ACSL3: variants seen among roughly 807,000 people sequenced by gnomAD.
The protein encoded by ACSL3 is acyl-CoA synthetase long chain family member 3.
Under a neutral mutation model 84.7 loss-of-function variants are expected in ACSL3, and 34 were observed. That is an observed-to-expected ratio of 0.40 (90% CI 0.31 to 0.53). The LOEUF (loss-of-function observed/expected upper bound fraction) is 0.53. ACSL3 is among the 20% of genes least tolerant of loss of function. The pLI is 0.48. For missense variants in ACSL3, 680 were observed against 873.1 expected (o/e 0.78, Z 2.79); for synonymous variants, 315 against 299.4 (o/e 1.05, Z -0.54).
chr2:222,878,390 C>T (rs1467566029), intron 1 of ACSL3, among the ~76,000 whole-genome samples: 2 of 152,188 alleles, frequency 1.3e-5, no homozygotes, highest in African/African-American at 4.8e-5. Context: ...TGGATTGTTT[C>T]AGGCCAGGCC....
At chr2:222,927,226 C>A in intron 12 of ACSL3, 37 bp downstream of exon 12, 1 of 1,592,684 alleles carries the variant, frequency 6.3e-7, no homozygotes, top group South Asian at 1.1e-5. Context: ...GAGTGTGATG[C>A]CAGACGTTTT....
chr2:222,922,931 C>A, intron 9 of ACSL3, 100 bp downstream of exon 9: 1 of 1,502,818 alleles, frequency 6.7e-7, no homozygotes, highest in Non-Finnish European at 9.1e-7. Context: ...AGCGATGGTT[C>A]ATTTTAAAAT....
At position 222,941,805 on chromosome 2, in the gene ACSL3, T is replaced by C; in HGVS notation, c.*151T>C. On this transcript the variant is annotated 3_prime_UTR_variant, in exon 17 of 17. Transcript: ENST00000357430. ...CACCATTTTTAACTGACAGGATTAG[T>C]AAAACATTAAGACAGCAAACTTGTG... The C allele has an allele frequency of 6.1e-6, 5 of 818,272 alleles. No individual in the cohort carries two copies. The highest frequency in any genetic ancestry group is 8.8e-6 in the Non-Finnish European group (5 of 569,490). 50.7% of individuals were successfully genotyped at this position (818,272 alleles called of 1,614,324 possible). A position where few individuals can be genotyped will look rare whatever the true frequency, so the allele number is the denominator to read the frequency against.
chr2:222,929,830 C>G (rs1468351390), intron 13 of ACSL3, among the ~76,000 whole-genome samples: 1 of 151,082 alleles, frequency 6.6e-6, no homozygotes, highest in Non-Finnish European at 1.5e-5. Context: ...TTTTAGCTAT[C>G]TTTAGCAGAA....
At chr2:222,922,590 A>G (rs1696770133) in intron 8 of ACSL3, 118 bp from the exon 9 acceptor site, 1 of 1,249,716 alleles carries the variant, frequency 8.0e-7, no homozygotes, top group Non-Finnish European at 1.1e-6. Context: ...TACACACTTG[A>G]CCAGCAAATT....
chr2:222,925,658 A>T (rs181306836), intron 11 of ACSL3, among the ~76,000 whole-genome samples: 1 of 152,234 alleles, frequency 6.6e-6, no homozygotes, highest in South Asian at 2.1e-4. Flanking sequence ...AAAACCTGCA[A>T]TGTCATTAAA....
chr2:222,891,481 T>C (rs1015915176), intron 2 of ACSL3, among the ~76,000 whole-genome samples: 6 of 152,204 alleles, frequency 3.9e-5, no homozygotes, highest in Non-Finnish European at 7.3e-5. Context: ...GAAAAAGATA[T>C]ATATTCCTTT....
chr2:222,907,577 A>G (rs1696324444), intron 3 of ACSL3, among the ~76,000 whole-genome samples: 1 of 152,128 alleles, frequency 6.6e-6, no homozygotes, highest in South Asian at 2.1e-4. Context: ...CTGGGGCAGC[A>G]TCATGAGAGC....
intron 1 of ACSL3, among the ~76,000 whole-genome samples, chr2:222,878,467 G>C (rs1469597782): frequency 6.6e-6 from 1 of 152,168 alleles, no homozygotes; most frequent in African/African-American, 2.4e-5. Flanking sequence ...TGACACTCCT[G>C]ACAACAAGTG....
chr2:222,939,069 T>G (rs1452608239), intron 16 of ACSL3, among the ~76,000 whole-genome samples: 2 of 152,228 alleles, frequency 1.3e-5, no homozygotes, highest in Admixed American at 6.5e-5. Flanking sequence ...AGCATTCTTA[T>G]GACGGTTATT....
At chr2:222,885,037 C>CT (rs896530833) in intron 1 of ACSL3, among the ~76,000 whole-genome samples, 19 of 152,120 alleles carry the variant, frequency 1.2e-4, no homozygotes, top group South Asian at 8.3e-4. Flanking sequence ...TAGGAATTTT[C>CT]TTTTTTTTCA....
chr2:222,939,985 T>C (rs1049760466), intron 16 of ACSL3, among the ~76,000 whole-genome samples: 3 of 152,238 alleles, frequency 2.0e-5, no homozygotes, highest in Non-Finnish European at 4.4e-5. Context: ...AAAGAATGTT[T>C]AGTAAAGCAC....
At position 222,861,234 on chromosome 2, in the gene ACSL3, G is replaced by C. The variant is rs938065070; in HGVS notation, c.-231G>C. 6.6e-6 allele frequency: 1 copy of C among 152,178 alleles called. No homozygotes were observed. The highest frequency in any genetic ancestry group is 2.4e-5 in the African/African-American group (1 of 41,458). The allele number at this position is 152,178 out of a possible 1,614,324, so 9.4% of individuals were successfully genotyped here. On this transcript the variant is annotated 5_prime_UTR_variant, in exon 1 of 17. Transcript: ENST00000357430. ...CCAGGCCTGCGCGGGCCCGAGGCCG[G>C]AGGAACCCGGACTCCGGCGTAGCGG...
Position 222,861,078 on chromosome 2 carries a change from C to T in ACSL3, c.-387C>T, listed in dbSNP as rs1478316498. Reference sequence around the variant, plus strand: ...CGCCGGGCTGCGACACTGCAGTTGTCTACGCGGCCGGGGCCGGGACGAGGA... The same window carrying T: ...CGCCGGGCTGCGACACTGCAGTTGTTTACGCGGCCGGGGCCGGGACGAGGA... On this transcript the variant is annotated 5_prime_UTR_variant, in exon 1 of 17. Coordinates refer to ENST00000357430, the MANE Select transcript of ACSL3 (RefSeq NM_004457.5). The T allele has an allele frequency of 6.6e-6, 1 of 152,262 alleles. No homozygotes were observed. Among genetic ancestry groups the T allele is most frequent in the Non-Finnish European group, 1.5e-5 (1 of 68,084 alleles). 9.4% of individuals were successfully genotyped at this position (152,262 alleles called of 1,614,324 possible). A position where few individuals can be genotyped will look rare whatever the true frequency, so the allele number is the denominator to read the frequency against.
rs150383807 is a variant in ACSL3 at position 222,890,514 on chromosome 2, T to A, written c.-148+2626T>A. ...TCTCAAATATGCATACTTTGTTCATTAGATTTACTTTTGCTAACTTTTTTT... is the reference window on the plus strand; with the variant it reads ...TCTCAAATATGCATACTTTGTTCATAAGATTTACTTTTGCTAACTTTTTTT... On this transcript the variant is annotated intron_variant, in intron 2 of 16. Coordinates refer to ENST00000357430, the MANE Select transcript of ACSL3 (RefSeq NM_004457.5). 6.2e-3 allele frequency among the ~76,000 whole-genome samples: 945 copies of A among 152,330 alleles called. 10 individuals carry two copies. Among genetic ancestry groups the A allele is most frequent in the African/African-American group, 0.022 (895 of 41,578 alleles).
At chr2:222,932,998 T>G in intron 14 of ACSL3, 168 bp from the exon 15 acceptor site, 1 of 499,632 alleles carries the variant, frequency 2.0e-6, no homozygotes, top group South Asian at 3.2e-5. Flanking sequence ...GGGCCTAATT[T>G]TAATATGTGC....
At position 222,863,784 on chromosome 2, in the gene ACSL3, T is replaced by A. The variant is rs187038367; in HGVS notation, c.-207+2526T>A. Among the ~76,000 whole-genome samples, 171 of 152,328 alleles carry A rather than the reference T, an allele frequency of 1.1e-3. 1 individual carries two copies. The highest frequency in any genetic ancestry group is 3.7e-3 in the African/African-American group (155 of 41,570). ...TGGGAAATATAGATTGTTAAAAATATATAAATGTCTCAGTTGAACATGTAT... is the reference window on the plus strand; with the variant it reads ...TGGGAAATATAGATTGTTAAAAATAAATAAATGTCTCAGTTGAACATGTAT... On this transcript the variant is annotated intron_variant, in intron 1 of 16. Coordinates refer to ENST00000357430, the MANE Select transcript of ACSL3 (RefSeq NM_004457.5).
chr2:222,900,428 C>T (rs1214673490), intron 2 of ACSL3, among the ~76,000 whole-genome samples: 2 of 152,162 alleles, frequency 1.3e-5, no homozygotes, highest in East Asian at 3.9e-4. Flanking sequence ...CTCTTTATGG[C>T]TCCAAAATGT....
chr2:222,894,805 ACT>A (rs1185758366), intron 2 of ACSL3, among the ~76,000 whole-genome samples: 1 of 152,184 alleles, frequency 6.6e-6, no homozygotes, highest in Non-Finnish European at 1.5e-5. Flanking sequence ...CATGTAGCTT[ACT>A]TTTAATGGCT....
Sources: allele counts gnomAD v4.1 joint callset (sites outside exome capture counted in the v4.1 genomes callset), GRCh38; gene constraint gnomAD v4.1.1; transcripts MANE v1.5; gene names NCBI Gene and HGNC (gene_info 2026-07-23, HGNC 2026-07-21).